The following FBLN2 variants were observed in gnomAD, a reference collection of about 807,000 sequenced individuals.
FBLN2 encodes fibulin 2, also known as fibulin-2.
Under a neutral mutation model 123.7 loss-of-function variants are expected in FBLN2, and 81 were observed. That is an observed-to-expected ratio of 0.65 (90% CI 0.55 to 0.79). The LOEUF is 0.79. FBLN2 is among the 30% of genes least tolerant of loss of function. FBLN2 has a pLI of 0.00. For missense variants in FBLN2, 1,603 were observed against 1,681.3 expected, an observed-to-expected ratio of 0.95 and a Z score of 0.81; for synonymous variants, 699 against 701.4, an observed-to-expected ratio of 1.00 and a Z score of 0.05.
intron 2 of FBLN2, among the ~76,000 whole-genome samples, chr3:13,589,327 C>A (rs1268605128): frequency 6.6e-6 from 1 of 152,162 alleles, no homozygotes; most frequent in African/African-American, 2.4e-5. Flanking sequence ...TGCGAACATA[C>A]CACTTTCCAG....
At chr3:13,550,644 A>G (rs1282112637) in intron 1 of FBLN2, among the ~76,000 whole-genome samples, 1 of 152,154 alleles carries the variant, frequency 6.6e-6, no homozygotes, top group Non-Finnish European at 1.5e-5. Flanking sequence ...TGTGGCTGAT[A>G]GGGGCTCTGG....
At chr3:13,577,176 T>C (rs555416901) in intron 2 of FBLN2, among the ~76,000 whole-genome samples, 7 of 149,952 alleles carry the variant, frequency 4.7e-5, no homozygotes, top group African/African-American at 1.7e-4. Context: ...TGAGCCGAGA[T>C]TGCGCCACCG....
intron 2 of FBLN2, among the ~76,000 whole-genome samples, chr3:13,574,070 G>A (rs909594637): frequency 2.6e-5 from 4 of 152,150 alleles, no homozygotes; most frequent in Non-Finnish European, 4.4e-5. Flanking sequence ...AGGACTACGC[G>A]GCTCAGCAAT....
intron 1 of FBLN2, among the ~76,000 whole-genome samples, chr3:13,564,707 G>A (rs1167663276): frequency 6.6e-6 from 1 of 152,074 alleles, no homozygotes; most frequent in Non-Finnish European, 1.5e-5. Flanking sequence ...CACTAAGGTG[G>A]GACCCCCCCA....
At chr3:13,609,692 G>GGGGGGGGGGGGT in intron 4 of FBLN2, 50 bp downstream of exon 4, 18 of 508,388 alleles carry the variant, frequency 3.5e-5, no homozygotes, top group East Asian at 6.4e-5. Flanking sequence ...GGCGGGGCGG[G>GGGGGGGGGGGGT]AGGCTGGCCT....
chr3:13,589,893 A>G (rs1704615583), intron 2 of FBLN2, among the ~76,000 whole-genome samples: 1 of 152,224 alleles, frequency 6.6e-6, no homozygotes, highest in East Asian at 1.9e-4. Flanking sequence ...CTATTGAAGC[A>G]TAATGTACAT....
intron 4 of FBLN2, among the ~76,000 whole-genome samples, chr3:13,612,350 T>TTC (rs1705431321): frequency 4.4e-5 from 6 of 136,734 alleles, no homozygotes; most frequent in African/African-American, 1.2e-4. Flanking sequence ...TTTTCTTTCT[T>TTC]TTTCTTTCTG....
chr3:13,615,119 A>C (rs1177425019), intron 5 of FBLN2, among the ~76,000 whole-genome samples: 1 of 152,138 alleles, frequency 6.6e-6, no homozygotes, highest in Non-Finnish European at 1.5e-5. Flanking sequence ...CCTGTCCCCT[A>C]GCCAGGGCTG....
chr3:13,603,319 T>C (rs1035156384), intron 2 of FBLN2, among the ~76,000 whole-genome samples: 2 of 151,818 alleles, frequency 1.3e-5, no homozygotes, highest in East Asian at 1.9e-4. Flanking sequence ...ACATGTGCCA[T>C]GTTGGTGTGC....
In FBLN2 at chr3:13,570,607, C is replaced by G. The variant is rs17038305; in HGVS notation, c.252C>G (p.Pro84=). 5 of 1,577,876 alleles carry G rather than the reference C, an allele frequency of 3.2e-6. No individual in the cohort carries two copies. The Admixed American group carries it at 9.1e-5, about 29-fold the overall frequency. The part of the protein sequence containing the change: ...LQGGFVRGRV[P]AGQSYFVDFG... ...GTGGCTTCGTGCGCGGCCGCGTGCC[C>G]GCCGGTCAGTCCTATTTTGTGGACT... Residue 84 remains proline (P), a synonymous_variant, in exon 2 of 18, where the codon CCC becomes CCG. Coordinates refer to ENST00000404922, the MANE Select transcript of FBLN2 (RefSeq NM_001004019.2).
At chr3:13,626,908 G>A (rs1453609573) in intron 10 of FBLN2, among the ~76,000 whole-genome samples, 1 of 152,148 alleles carries the variant, frequency 6.6e-6, no homozygotes, top group African/African-American at 2.4e-5. Context: ...GGAGCCCACA[G>A]AGGGTTCACT....
In FBLN2 at chr3:13,618,753, A is replaced by G. The variant is rs1705725273; in HGVS notation, c.1940-151A>G. The G allele has an allele frequency of 4.8e-6, 3 of 625,076 alleles. No homozygotes were observed. In the East Asian group the frequency reaches 8.3e-5, roughly 17 times the overall value. The allele number at this position is 625,076 out of a possible 1,614,324, so 38.7% of individuals were successfully genotyped here. A position where few individuals can be genotyped will look rare whatever the true frequency, so the allele number is the denominator to read the frequency against. ...TTGATCTTTCCCAAGGTATATGCAC[A>G]CTCCAAACCTCATTTTCCTCTCCTG... On this transcript the variant is annotated intron_variant, in intron 6 of 17. Transcript: ENST00000404922.
At chr3:13,558,708 C>T (rs1023200283) in intron 1 of FBLN2, among the ~76,000 whole-genome samples, 18 of 135,834 alleles carry the variant, frequency 1.3e-4, no homozygotes, top group African/African-American at 4.6e-4. Context: ...CACTTACCCA[C>T]CCATCCACCC....
intron 5 of FBLN2, among the ~76,000 whole-genome samples, chr3:13,617,385 C>T (rs1446208357): frequency 6.6e-6 from 1 of 151,196 alleles, no homozygotes; most frequent in Non-Finnish European, 1.5e-5. Context: ...CACCCATCCA[C>T]CCACTCACCC....
intron 2 of FBLN2, among the ~76,000 whole-genome samples, chr3:13,597,300 G>A (rs552792913): frequency 1.1e-4 from 17 of 152,230 alleles, no homozygotes; most frequent in South Asian, 6.2e-4. Context: ...ACCTTTTTCA[G>A]TACTGTCTTT....
At chr3:13,565,900 G>T (rs906546603) in intron 1 of FBLN2, among the ~76,000 whole-genome samples, 1 of 152,268 alleles carries the variant, frequency 6.6e-6, no homozygotes, top group Admixed American at 6.5e-5. Context: ...TTGCAAAGAG[G>T]CTGCTCCAGG....
At chr3:13,599,790 A>G (rs1236436632) in intron 2 of FBLN2, among the ~76,000 whole-genome samples, 1 of 151,382 alleles carries the variant, frequency 6.6e-6, no homozygotes, top group African/African-American at 2.4e-5. Context: ...GGCTTGGGAA[A>G]ATCCGGAGCT....
intron 14 of FBLN2, 123 bp downstream of exon 14, chr3:13,630,068 C>A: frequency 2.9e-6 from 4 of 1,365,902 alleles, no homozygotes; most frequent in Non-Finnish European, 4.0e-6. Context: ...CACCTTCACC[C>A]ATGCTGGCCC....
At chr3:13,567,390 C>T (rs567534897) in intron 1 of FBLN2, among the ~76,000 whole-genome samples, 1 of 152,322 alleles carries the variant, frequency 6.6e-6, no homozygotes, top group South Asian at 2.1e-4. Context: ...CGGGGTCTCC[C>T]TCTGTTCCCC....
Sources: allele counts gnomAD v4.1 joint callset (sites outside exome capture counted in the v4.1 genomes callset), GRCh38; gene constraint gnomAD v4.1.1; transcripts MANE v1.5; gene names NCBI Gene and HGNC (gene_info 2026-07-23, HGNC 2026-07-21).